Variants in PALM2AKAP2 observed in about 807,000 individuals in gnomAD.
PALM2AKAP2 encodes PALM2 and AKAP2 fusion, also known as PALM2-AKAP2 fusion protein.
A neutral mutation model predicts 71.5 loss-of-function variants in PALM2AKAP2; 37 were observed. The observed-to-expected ratio is 0.52, with a 90% CI of 0.40 to 0.68. The LOEUF (loss-of-function observed/expected upper bound fraction) is 0.68. Among genes scored for constraint, PALM2AKAP2 ranks in the 30% least tolerant of loss-of-function variants. PALM2AKAP2 has a pLI of 0.00. For synonymous variants in PALM2AKAP2, 468 were observed against 478.8 expected, an observed-to-expected ratio of 0.98 and a Z score of 0.29; for missense variants, 1,224 against 1,191.8, an observed-to-expected ratio of 1.03 and a Z score of -0.40.
In PALM2AKAP2 at chr9:109,952,141, C is replaced by G. The variant is rs539274346; in HGVS notation, c.496+20113C>G. ...CTGTTACAACTACTCAGCTCTGCTGCAAAGCAGCCATGTATGACATTTAAA... is the reference window on the plus strand; with the variant it reads ...CTGTTACAACTACTCAGCTCTGCTGGAAAGCAGCCATGTATGACATTTAAA... On this transcript the variant is annotated intron_variant, in intron 6 of 9. Transcript: ENST00000302798. Among the ~76,000 whole-genome samples, 4 of 152,344 alleles carry G rather than the reference C, an allele frequency of 2.6e-5. No individual in the cohort carries two copies. The South Asian group carries it at 6.2e-4, about 24-fold the overall frequency.
intron 1 of PALM2AKAP2, among the ~76,000 whole-genome samples, chr9:109,661,563 G>T (rs1265954321): frequency 1.3e-5 from 2 of 152,132 alleles, no homozygotes; most frequent in Non-Finnish European, 2.9e-5. Flanking sequence ...TTTGGTTACT[G>T]CAGCCTTGTA....
intron 1 of PALM2AKAP2, among the ~76,000 whole-genome samples, chr9:110,056,290 A>G (rs1352788453): frequency 6.6e-6 from 1 of 152,182 alleles, no homozygotes; most frequent in Non-Finnish European, 1.5e-5. Flanking sequence ...TGTCATTCCC[A>G]TGGTGGGATA....
intron 3 of PALM2AKAP2, among the ~76,000 whole-genome samples, chr9:109,890,013 T>C (rs1009433571): frequency 3.3e-5 from 5 of 152,220 alleles, no homozygotes; most frequent in Non-Finnish European, 7.3e-5. Flanking sequence ...GCTTTGATAA[T>C]AGTCTTTTTC....
intron 3 of PALM2AKAP2, among the ~76,000 whole-genome samples, chr9:110,163,149 A>G (rs1836645351): frequency 6.6e-6 from 1 of 152,048 alleles, no homozygotes. Context: ...GAGAAAGCAC[A>G]ATATTTTTCA....
chr9:109,986,308 C>T (rs1399732715), intron 6 of PALM2AKAP2, among the ~76,000 whole-genome samples: 1 of 152,150 alleles, frequency 6.6e-6, no homozygotes, highest in East Asian at 1.9e-4. Flanking sequence ...CAGTAATTTT[C>T]TTGGCCTTGA....
chr9:109,792,547 G>A (rs74644225), intron 1 of PALM2AKAP2, among the ~76,000 whole-genome samples: 1 of 152,050 alleles, frequency 6.6e-6, no homozygotes, highest in Non-Finnish European at 1.5e-5. Flanking sequence ...TCCCAGGAAG[G>A]CTGATTTTAA....
At chr9:109,934,629 C>T (rs1340884293) in intron 6 of PALM2AKAP2, among the ~76,000 whole-genome samples, 1 of 152,118 alleles carries the variant, frequency 6.6e-6, no homozygotes, top group Non-Finnish European at 1.5e-5. Flanking sequence ...GCTGCTCACC[C>T]CCAAAATAGA....
intron 1 of PALM2AKAP2, among the ~76,000 whole-genome samples, chr9:109,658,155 A>G (rs773036160): frequency 4.6e-5 from 7 of 152,114 alleles, no homozygotes; most frequent in Non-Finnish European, 5.9e-5. Context: ...AGACATTCAG[A>G]TGGAAATGCT....
At chr9:109,787,605 G>A (rs1465241153) in intron 1 of PALM2AKAP2, among the ~76,000 whole-genome samples, 1 of 152,166 alleles carries the variant, frequency 6.6e-6, no homozygotes, top group African/African-American at 2.4e-5. Context: ...CGAAAGTATT[G>A]GTCCCTAGAG....
chr9:110,051,629 G>A (rs1833712475), intron 1 of PALM2AKAP2, among the ~76,000 whole-genome samples: 1 of 152,198 alleles, frequency 6.6e-6, no homozygotes, highest in African/African-American at 2.4e-5. Flanking sequence ...GATTTTAACA[G>A]TTGAAACAGG....
At chr9:109,925,399 G>A (rs1243344388) in intron 5 of PALM2AKAP2, among the ~76,000 whole-genome samples, 1 of 151,850 alleles carries the variant, frequency 6.6e-6, no homozygotes, top group Non-Finnish European at 1.5e-5. Flanking sequence ...CTAACATCAG[G>A]ACCTGGTCCC....
chr9:110,145,388 C>G (rs1023612895), intron 2 of PALM2AKAP2, among the ~76,000 whole-genome samples: 1 of 152,132 alleles, frequency 6.6e-6, no homozygotes, highest in African/African-American at 2.4e-5. Context: ...AAAGTTATTT[C>G]CCAGGAAGAA....
chr9:109,671,577 G>T (rs1220032149), intron 1 of PALM2AKAP2, among the ~76,000 whole-genome samples: 2 of 151,256 alleles, frequency 1.3e-5, no homozygotes, highest in African/African-American at 4.8e-5. Context: ...GATTGCCTTG[G>T]CATTTTTGGT....
chr9:109,974,032 G>A (rs1407086645), intron 6 of PALM2AKAP2, among the ~76,000 whole-genome samples: 1 of 152,218 alleles, frequency 6.6e-6, no homozygotes, highest in African/African-American at 2.4e-5. Flanking sequence ...GAAGAGAGAG[G>A]CAGACAGGAC....
exon 4 of PALM2AKAP2, chr9:110,170,117 T>C (rs1587889174): frequency 6.6e-6 from 1 of 152,472 alleles, no homozygotes; most frequent in African/African-American, 2.4e-5. Context: ...AGCTTTAATC[T>C]TTCTGTCATT....
In PALM2AKAP2 at chr9:109,680,308, A is replaced by T. The variant is rs139312519; in HGVS notation, c.5+39442A>T. ...CGTACAGATGGGTCCATTTTATCTC[A>T]TGGGTGGTCAGAGCAGAACAGTCAC... is the stretch of plus-strand genomic sequence containing the variant. On this transcript the variant is annotated intron_variant, in intron 1 of 6. Transcript: ENST00000374531. 2.6e-5 allele frequency among the ~76,000 whole-genome samples: 4 copies of T among 152,344 alleles called. No homozygotes were observed. The East Asian group carries it at 7.7e-4, about 29-fold the overall frequency.
intron 6 of PALM2AKAP2, among the ~76,000 whole-genome samples, chr9:109,958,377 C>A (rs1177381979): frequency 6.6e-6 from 1 of 152,172 alleles, no homozygotes; most frequent in Non-Finnish European, 1.5e-5. Flanking sequence ...GTGACAGAAG[C>A]AGCATTCTTG....
chr9:109,865,096 CTTT>C (rs58922983), intron 1 of PALM2AKAP2, among the ~76,000 whole-genome samples: 5 of 75,638 alleles, frequency 6.6e-5, no homozygotes, highest in African/African-American at 1.1e-4. Context: ...CTACTCATTC[CTTT>C]TTTTTTTTTT....
intron 7 of PALM2AKAP2, among the ~76,000 whole-genome samples, chr9:110,030,576 A>G (rs1564268873): frequency 6.6e-6 from 1 of 152,162 alleles, no homozygotes; most frequent in Non-Finnish European, 1.5e-5. Flanking sequence ...TAGGTTTCTG[A>G]GCCCTAACAA....
Sources: allele counts gnomAD v4.1 joint callset (sites outside exome capture counted in the v4.1 genomes callset), GRCh38; gene constraint gnomAD v4.1.1; transcripts MANE v1.5; gene names NCBI Gene and HGNC (gene_info 2026-07-23, HGNC 2026-07-21).